The following UGT2B17 variants were observed in gnomAD, a reference collection of about 807,000 sequenced individuals.
The protein encoded by UGT2B17 is UDP-glucuronosyltransferase 2B17.
Under a neutral mutation model 48.2 loss-of-function variants are expected in UGT2B17, and 21 were observed. That is an observed-to-expected ratio of 0.44 (90% CI 0.31 to 0.63). The LOEUF (loss-of-function observed/expected upper bound fraction) is 0.63. Ranked by LOEUF, UGT2B17 falls within the 20% of genes least tolerant of loss-of-function variation. The pLI is 0.08. For missense variants in UGT2B17, 402 were observed against 696.1 expected, an observed-to-expected ratio of 0.58 and a Z score of 4.75; for synonymous variants, 146 against 238.4, an observed-to-expected ratio of 0.61 and a Z score of 3.57.
At chr4:68,561,424 A>G (rs1731101103) in intron 3 of UGT2B17, among the ~76,000 whole-genome samples, 2 of 125,004 alleles carry the variant, frequency 1.6e-5, no homozygotes, top group Admixed American at 1.7e-4. Flanking sequence ...CTATTTAGTT[A>G]CATAATTAAG....
chr4:68,539,249 A>C (rs1730611339), intron 6 of UGT2B17, among the ~76,000 whole-genome samples: 1 of 125,722 alleles, frequency 8.0e-6, no homozygotes, highest in Admixed American at 8.2e-5. Flanking sequence ...TTTAGTCACT[A>C]CTTTTATCCT....
chr4:68,571,085 AAAACAGCTTGTAACCATATGAT>A lies in UGT2B17; in HGVS notation c.-64-2559_-64-2538del, dbSNP rs534415671. Among the ~76,000 whole-genome samples the A allele has an allele frequency of 1.3e-3, 158 of 126,096 alleles. 22 individuals are homozygous for A. Among genetic ancestry groups the A allele is most frequent in the African/African-American group, 4.2e-3 (156 of 36,820 alleles). 82.7% of individuals were successfully genotyped at this position (126,096 alleles called of 152,430 possible). A position where few individuals can be genotyped will look rare whatever the true frequency, so the allele number is the denominator to read the frequency against. On this transcript the variant is annotated intron_variant, in intron 1 of 6. Coordinates refer to ENST00000317746, the MANE Select transcript of UGT2B17 (RefSeq NM_001077.4). ...ACCGGTTTTATTAGTAAAAATTTCTAAAACAGCTTGTAACCATATGATTCGGTTGAGCATGTAGATGGGGGTC... is the reference window on the plus strand; with the variant it reads ...ACCGGTTTTATTAGTAAAAATTTCTATCGGTTGAGCATGTAGATGGGGGTC...
chr4:68,550,435 T>C (rs1272784187), intron 6 of UGT2B17, among the ~76,000 whole-genome samples: 1 of 125,854 alleles, frequency 7.9e-6, no homozygotes, highest in Admixed American at 8.2e-5. Flanking sequence ...AAAATAATTA[T>C]GTACATATCT....
At position 68,556,303 on chromosome 4, in the gene UGT2B17, A is replaced by T. The variant is rs568389985; in HGVS notation, c.1005+4234T>A. Among the ~76,000 whole-genome samples the T allele has an allele frequency of 2.5e-5, 3 of 122,314 alleles. 1 individual carries two copies. Among genetic ancestry groups the T allele is most frequent in the African/African-American group, 8.4e-5 (3 of 35,904 alleles). The allele number at this position is 122,314 out of a possible 152,430, so 80.2% of individuals were successfully genotyped here. A position where few individuals can be genotyped will look rare whatever the true frequency, so the allele number is the denominator to read the frequency against. On this transcript the variant is annotated intron_variant, in intron 4 of 6. Transcript: ENST00000317746. The stretch of plus-strand genomic sequence containing the variant: ...TAACCCAAAGTTTAACTTTTCTTGC[A>T]TCTCACTGTTTTTGGTTTTCTCTCC...
In UGT2B17 at chr4:68,557,166, T is replaced by A. The variant is rs1272339921; in HGVS notation, c.1005+3371A>T. Among the ~76,000 whole-genome samples the A allele has an allele frequency of 1.6e-5, 2 of 124,984 alleles. 1 individual carries two copies. Among genetic ancestry groups the A allele is most frequent in the Non-Finnish European group, 3.4e-5 (2 of 59,086 alleles). The allele number at this position is 124,984 out of a possible 152,430, so 82.0% of individuals were successfully genotyped here. A position where few individuals can be genotyped will look rare whatever the true frequency, so the allele number is the denominator to read the frequency against. The stretch of plus-strand genomic sequence containing the variant: ...GTACATTATCAGTAATAATTATATT[T>A]GTTATGTTAAGTTATTGTGTGCCAC... On this transcript the variant is annotated intron_variant, in intron 4 of 6. Transcript: ENST00000317746.
rs1731019510 is a variant in UGT2B17, at chr4:68,557,263, C to A, written c.1005+3274G>T. On this transcript the variant is annotated intron_variant, in intron 4 of 6. Coordinates refer to ENST00000317746, the MANE Select transcript of UGT2B17 (RefSeq NM_001077.4). Reference sequence around the variant, plus strand: ...CCTAAAACTTTTTGTCATCCACAGACAATTGTTGTCTGACTTTGGTCCTCT... The same window carrying A: ...CCTAAAACTTTTTGTCATCCACAGAAAATTGTTGTCTGACTTTGGTCCTCT... 1.6e-5 allele frequency among the ~76,000 whole-genome samples: 2 copies of A among 124,920 alleles called. 1 individual carries two copies. 82.0% of individuals were successfully genotyped at this position (124,920 alleles called of 152,430 possible).
chr4:68,558,982 C>A lies in UGT2B17; in HGVS notation c.1005+1555G>T, dbSNP rs1201306557. ...ACCTGTATCAGATATTTGGGGTTCA[C>A]AAGATTATCAATGAAATATTCAAAT... On this transcript the variant is annotated intron_variant, in intron 4 of 6. Transcript: ENST00000317746. 1.6e-5 allele frequency among the ~76,000 whole-genome samples: 2 copies of A among 125,252 alleles called. 1 individual carries two copies. Among genetic ancestry groups the A allele is most frequent in the Non-Finnish European group, 3.4e-5 (2 of 59,204 alleles). 82.2% of individuals were successfully genotyped at this position (125,252 alleles called of 152,430 possible). A position where few individuals can be genotyped will look rare whatever the true frequency, so the allele number is the denominator to read the frequency against.
intron 4 of UGT2B17, among the ~76,000 whole-genome samples, chr4:68,556,400 G>T (rs1486244936): frequency 1.6e-5 from 2 of 123,898 alleles, no homozygotes; most frequent in African/African-American, 5.5e-5. Flanking sequence ...TTTTCCTCAA[G>T]TTCTGTTTGT....
intron 4 of UGT2B17, among the ~76,000 whole-genome samples, chr4:68,557,998 G>A (rs1428472540): frequency 2.4e-5 from 3 of 124,706 alleles, no homozygotes; most frequent in African/African-American, 5.5e-5. Flanking sequence ...GGTATTTGAT[G>A]GTACAAATCT....
intron 3 of UGT2B17, among the ~76,000 whole-genome samples, chr4:68,564,382 G>A (rs1178953044): frequency 8.7e-6 from 1 of 115,080 alleles, no homozygotes; most frequent in African/African-American, 3.0e-5. Flanking sequence ...TCTGCCTCCC[G>A]CGTTCAAGCG....
Position 68,537,530 on chromosome 4 carries a change from G to A in UGT2B17, c.*95C>T, listed in dbSNP as rs373139562. On this transcript the variant is annotated 3_prime_UTR_variant, in exon 7 of 7. Transcript: ENST00000317746. ...GTAAGTTGTGAAAAGACGTTTTGTCGCAGGAAAAAGGAAATCCTCCATTTA... is the reference window on the plus strand; with the variant it reads ...GTAAGTTGTGAAAAGACGTTTTGTCACAGGAAAAAGGAAATCCTCCATTTA... 7 of 1,098,862 alleles carry A rather than the reference G, an allele frequency of 6.4e-6. No homozygotes were observed. The highest frequency in any genetic ancestry group is 8.2e-6 in the Non-Finnish European group (7 of 857,768). 68.1% of individuals were successfully genotyped at this position (1,098,862 alleles called of 1,614,324 possible).
In UGT2B17 at chr4:68,556,532, C is replaced by T. The variant is rs1731003637; in HGVS notation, c.1005+4005G>A. Reference sequence around the variant, plus strand: ...TGATACTAAGAGATAAAATAAGTTCCGTTTATGCATAAATTAATCATTAAT... The same window carrying T: ...TGATACTAAGAGATAAAATAAGTTCTGTTTATGCATAAATTAATCATTAAT... On this transcript the variant is annotated intron_variant, in intron 4 of 6. Coordinates refer to ENST00000317746, the MANE Select transcript of UGT2B17 (RefSeq NM_001077.4). Among the ~76,000 whole-genome samples the T allele has an allele frequency of 1.6e-5, 2 of 125,210 alleles. 1 individual carries two copies. The highest frequency in any genetic ancestry group is 3.4e-5 in the Non-Finnish European group (2 of 58,988). 82.1% of individuals were successfully genotyped at this position (125,210 alleles called of 152,430 possible). A position where few individuals can be genotyped will look rare whatever the true frequency, so the allele number is the denominator to read the frequency against.
rs1731000038 is a variant in UGT2B17 at position 68,556,315 on chromosome 4, T to C, written c.1005+4222A>G. On this transcript the variant is annotated intron_variant, in intron 4 of 6. Coordinates refer to ENST00000317746, the MANE Select transcript of UGT2B17 (RefSeq NM_001077.4). The stretch of plus-strand genomic sequence containing the variant: ...TAACTTTTCTTGCATCTCACTGTTT[T>C]TGGTTTTCTCTCCCCTTTTAAAGGG... Among the ~76,000 whole-genome samples the C allele has an allele frequency of 1.6e-5, 2 of 123,918 alleles. 1 individual carries two copies. The highest frequency in any genetic ancestry group is 3.4e-5 in the Non-Finnish European group (2 of 58,622). The allele number at this position is 123,918 out of a possible 152,430, so 81.3% of individuals were successfully genotyped here. A position where few individuals can be genotyped will look rare whatever the true frequency, so the allele number is the denominator to read the frequency against.
chr4:68,562,706 A>G lies in UGT2B17; in HGVS notation c.874-2038T>C, dbSNP rs1180328366. Among the ~76,000 whole-genome samples the G allele has an allele frequency of 7.9e-5, 10 of 126,550 alleles. 2 individuals are homozygous for G. Among genetic ancestry groups the G allele is most frequent in the African/African-American group, 2.7e-4 (10 of 37,062 alleles). The allele number at this position is 126,550 out of a possible 152,430, so 83.0% of individuals were successfully genotyped here. A position where few individuals can be genotyped will look rare whatever the true frequency, so the allele number is the denominator to read the frequency against. ...AAAAGTATGAAAATTTAGGAAAAAA[A>G]TCATTTTTCCCATATCTCTATCTCA... On this transcript the variant is annotated intron_variant, in intron 3 of 6. Transcript: ENST00000317746.
intron 2 of UGT2B17, among the ~76,000 whole-genome samples, chr4:68,567,015 A>T (rs1470845082): frequency 8.2e-6 from 1 of 121,778 alleles, no homozygotes; most frequent in Non-Finnish European, 1.7e-5. Flanking sequence ...ATATAATTAG[A>T]TTTTTAAAAT....
intron 6 of UGT2B17, among the ~76,000 whole-genome samples, chr4:68,544,830 G>A (rs891946129): frequency 2.4e-5 from 3 of 125,578 alleles, no homozygotes; most frequent in Non-Finnish European, 5.0e-5. Context: ...AACCAGCAAA[G>A]ATCAAAAGAG....
At position 68,568,317 on chromosome 4, in the gene UGT2B17, C is replaced by G. The variant is rs373132457; in HGVS notation, c.168G>C (p.Leu56Phe). 1 of 1,378,734 alleles carries G rather than the reference C, an allele frequency of 7.3e-7. No individual in the cohort carries two copies. The highest frequency in any genetic ancestry group is 9.5e-7 in the Non-Finnish European group (1 of 1,054,840). 85.4% of individuals were successfully genotyped at this position (1,378,734 alleles called of 1,614,324 possible). ...LVQRGHEVIVLTSSASILVNA... is the reference protein window; with the variant it reads ...LVQRGHEVIVFTSSASILVNA... ...TGACAAGAATAGAAGCCGAAGATGT[C>G]AACACAATCACCTCATGACCCCTCT... Residue 56 changes from leucine (L) to phenylalanine (F), a missense_variant, in exon 2 of 7, where the codon TTG becomes TTC. Leu to Phe is a conservative substitution (Grantham distance 22, BLOSUM62 0). This residue lies in a region of UGT2B17 where 51 missense variants were observed against 108.7 expected (regional missense o/e 0.47). Transcript: ENST00000317746.
chr4:68,558,893 A>G (rs749342896), intron 4 of UGT2B17, among the ~76,000 whole-genome samples: 1 of 125,812 alleles, frequency 7.9e-6, no homozygotes, highest in Non-Finnish European at 1.7e-5. Flanking sequence ...GCCTAATCAG[A>G]AGCTCAAAGG....
intron 6 of UGT2B17, among the ~76,000 whole-genome samples, chr4:68,544,109 C>T (rs1326285694): frequency 8.0e-6 from 1 of 125,224 alleles, no homozygotes; most frequent in African/African-American, 2.7e-5. Context: ...TCAAGAAGAG[C>T]AACTCCAAGA....
Sources: gnomAD v4.1 joint callset for allele counts (sites outside exome capture counted in the v4.1 genomes callset) on GRCh38, gnomAD v4.1.1 for gene constraint, gnomAD v4.1.1 regional missense constraint, MANE v1.5 for transcripts, NCBI Gene and HGNC (gene_info 2026-07-23, HGNC 2026-07-21) for gene names.